Variants in CTNNA2 observed in about 807,000 individuals in gnomAD.
CTNNA2 encodes the protein catenin alpha-2.
In CTNNA2, 42 loss-of-function variants were observed where a neutral mutation model predicts 101.0. The ratio of observed to expected loss-of-function variants is 0.42; its 90% confidence interval spans 0.32 to 0.54. CTNNA2 has a LOEUF of 0.54. Ranked by LOEUF, CTNNA2 falls within the 20% of genes least tolerant of loss-of-function variation. The pLI is 0.14. For missense variants in CTNNA2, 871 were observed against 1,223.1 expected, an observed-to-expected ratio of 0.71 and a Z score of 4.29; for synonymous variants, 450 against 456.4, an observed-to-expected ratio of 0.99 and a Z score of 0.18.
intron 1 of CTNNA2, among the ~76,000 whole-genome samples, chr2:79,520,034 A>G (rs1301465121): frequency 6.6e-6 from 1 of 152,236 alleles, no homozygotes; most frequent in African/African-American, 2.4e-5. Context: ...TTATCCCCCT[A>G]AATTCTATTT....
chr2:80,548,996 TG>T (rs1203313831), intron 11 of CTNNA2, among the ~76,000 whole-genome samples: 1 of 152,240 alleles, frequency 6.6e-6, no homozygotes, highest in Non-Finnish European at 1.5e-5. Context: ...GTTTTTTTAA[TG>T]CTACCCTAAC....
At chr2:79,940,997 C>G (rs1688120908) in intron 7 of CTNNA2, among the ~76,000 whole-genome samples, 2 of 152,124 alleles carry the variant, frequency 1.3e-5, no homozygotes, top group African/African-American at 4.8e-5. Flanking sequence ...AAAGAGTGAT[C>G]TTTATAGCAT....
Position 79,961,738 on chromosome 2 carries a change from C to T in CTNNA2, c.1056+51941C>T, listed in dbSNP as rs1045971436. Among the ~76,000 whole-genome samples, 30 of 145,598 alleles carry T rather than the reference C, an allele frequency of 2.1e-4. 1 individual carries two copies. The highest frequency in any genetic ancestry group is 7.6e-4 in the African/African-American group (30 of 39,386). ...TCGGGAGGCTGAGGCAAGAGAATGG[C>T]GTGAACCCGGGGGGCAGAGCCTGCG... On this transcript the variant is annotated intron_variant, in intron 7 of 18. Coordinates refer to ENST00000402739, the MANE Select transcript of CTNNA2 (RefSeq NM_001282597.3).
intron 7 of CTNNA2, among the ~76,000 whole-genome samples, chr2:80,024,331 G>C (rs1207329063): frequency 1.3e-5 from 2 of 152,138 alleles, no homozygotes; most frequent in Non-Finnish European, 2.9e-5. Context: ...CATGTAGAAG[G>C]CAGCCTCACT....
chr2:79,579,814 A>G (rs536416977), intron 1 of CTNNA2, among the ~76,000 whole-genome samples: 13 of 152,026 alleles, frequency 8.6e-5, no homozygotes, highest in Non-Finnish European at 1.3e-4. Context: ...GGGTTTCTCC[A>G]TGTTGGTCAG....
At chr2:80,251,068 T>C (rs1490660653) in intron 7 of CTNNA2, among the ~76,000 whole-genome samples, 1 of 152,140 alleles carries the variant, frequency 6.6e-6, no homozygotes, top group Non-Finnish European at 1.5e-5. Context: ...TATACTTTAA[T>C]TTTAGTCATG....
At chr2:79,384,344 A>G (rs972971064) in intron 4 of CTNNA2, among the ~76,000 whole-genome samples, 6 of 148,194 alleles carry the variant, frequency 4.0e-5, no homozygotes, top group African/African-American at 1.5e-4. Flanking sequence ...AGCATTACAT[A>G]TACTTTCCCT....
intron 13 of CTNNA2, among the ~76,000 whole-genome samples, chr2:80,579,944 G>A (rs1695382119): frequency 6.6e-6 from 1 of 152,156 alleles, no homozygotes; most frequent in Non-Finnish European, 1.5e-5. Context: ...GAAAGACAAA[G>A]CCCTGGAATG....
intron 7 of CTNNA2, among the ~76,000 whole-genome samples, chr2:80,244,212 A>G: frequency 6.6e-6 from 1 of 152,244 alleles, no homozygotes; most frequent in African/African-American, 2.4e-5. Context: ...ATTATTATAA[A>G]GGAAGAAAGG....
intron 2 of CTNNA2, among the ~76,000 whole-genome samples, chr2:79,727,007 C>T (rs1686888598): frequency 1.3e-5 from 2 of 152,234 alleles, no homozygotes; most frequent in African/African-American, 4.8e-5. Flanking sequence ...CCGGAAGTGA[C>T]TACATGTTGC....
At chr2:80,521,063 C>G (rs1689505498) in intron 9 of CTNNA2, among the ~76,000 whole-genome samples, 1 of 152,182 alleles carries the variant, frequency 6.6e-6, no homozygotes, top group South Asian at 2.1e-4. Context: ...AAACAAATCA[C>G]TGATGAGAAA....
rs140554423 is a variant in CTNNA2 at position 79,279,490 on chromosome 2, T to C, written c.-405-33219T>C. Among the ~76,000 whole-genome samples the C allele has an allele frequency of 5.8e-3, 876 of 152,210 alleles. 7 individuals are homozygous for C. Among genetic ancestry groups the C allele is most frequent in the Middle Eastern group, 0.02 (6 of 294 alleles). ...CATGCCCCCAACTTCCAGTTACTTGTAACTGACACAAAGGCACAGGATGTA... is the reference window on the plus strand; with the variant it reads ...CATGCCCCCAACTTCCAGTTACTTGCAACTGACACAAAGGCACAGGATGTA... On this transcript the variant is annotated intron_variant, in intron 2 of 21. Transcript: ENST00000466387.
rs116741503 is a variant in CTNNA2, at chr2:80,108,372, C to G, written c.1056+198575C>G. On this transcript the variant is annotated intron_variant, in intron 7 of 18. Coordinates refer to ENST00000402739, the MANE Select transcript of CTNNA2 (RefSeq NM_001282597.3). ...CATTAACCAGAACACCCAGTAAAAT[C>G]ACTATGCTGCCCCCTACCCTATTCC... is the stretch of plus-strand genomic sequence containing the variant. Among the ~76,000 whole-genome samples the G allele has an allele frequency of 9.0e-4, 137 of 152,286 alleles. 1 individual carries two copies. The highest frequency in any genetic ancestry group is 1.7e-3 in the Non-Finnish European group (116 of 68,032).
At chr2:80,171,342 G>T (rs1354182618) in intron 7 of CTNNA2, among the ~76,000 whole-genome samples, 1 of 152,342 alleles carries the variant, frequency 6.6e-6, no homozygotes, top group African/African-American at 2.4e-5. Flanking sequence ...AGATACCTTA[G>T]TACTGCTAAG....
intron 6 of CTNNA2, among the ~76,000 whole-genome samples, chr2:79,876,901 A>G (rs4852536): frequency 0.16 from 24,448 of 152,102 alleles, 2,693 homozygotes; most frequent in African/African-American, 0.29. Flanking sequence ...AATTTAACAC[A>G]TGAATATAAC....
chr2:79,246,194 C>T (rs1443382648), intron 2 of CTNNA2, among the ~76,000 whole-genome samples: 1 of 152,188 alleles, frequency 6.6e-6, no homozygotes, highest in Non-Finnish European at 1.5e-5. Context: ...TGCTGGGTCT[C>T]ATTTTCTACA....
intron 3 of CTNNA2, among the ~76,000 whole-genome samples, chr2:79,771,838 A>C (rs1673604138): frequency 6.6e-6 from 1 of 152,208 alleles, no homozygotes; most frequent in African/African-American, 2.4e-5. Context: ...ATTATCTTCC[A>C]AACTGAGAAT....
intron 7 of CTNNA2, among the ~76,000 whole-genome samples, chr2:80,132,500 C>A (rs1469748704): frequency 6.6e-6 from 1 of 152,160 alleles, no homozygotes; most frequent in Non-Finnish European, 1.5e-5. Context: ...AGTCTAGAAG[C>A]AATATAATTC....
chr2:79,644,131 G>A (rs536867963), intron 1 of CTNNA2, among the ~76,000 whole-genome samples: 5 of 152,034 alleles, frequency 3.3e-5, no homozygotes, highest in Admixed American at 6.6e-5. Context: ...TCTGCCTACC[G>A]GGTTCAAACA....
Sources: allele counts gnomAD v4.1 joint callset (sites outside exome capture counted in the v4.1 genomes callset), GRCh38; gene constraint gnomAD v4.1.1; transcripts MANE v1.5; gene names NCBI Gene and HGNC (gene_info 2026-07-23, HGNC 2026-07-21).